The following KAZN variants were observed in gnomAD, a reference collection of about 807,000 sequenced individuals.
The protein encoded by KAZN is kazrin.
KAZN carries 40 observed loss-of-function variants against 87.4 expected under a neutral mutation model. The ratio of observed to expected loss-of-function variants is 0.46; its 90% CI spans 0.36 to 0.60. KAZN has a LOEUF of 0.60. KAZN is among the 20% of genes least tolerant of loss of function. The pLI, the probability that KAZN is intolerant of heterozygous loss-of-function variation, is 0.00. For synonymous variants in KAZN, 466 were observed against 458.3 expected (o/e 1.02, Z -0.22); for missense variants, 898 against 1,073.9 (o/e 0.84, Z 2.29).
At chr1:14,092,859 A>G (rs1356320165) in intron 1 of KAZN, among the ~76,000 whole-genome samples, 1 of 152,166 alleles carries the variant, frequency 6.6e-6, no homozygotes, top group Non-Finnish European at 1.5e-5. Context: ...TTTCTGTGCT[A>G]TTAAAGTTAA....
chr1:13,990,753 G>A (rs1358159810), intron 1 of KAZN, among the ~76,000 whole-genome samples: 5 of 152,188 alleles, frequency 3.3e-5, no homozygotes, highest in African/African-American at 9.6e-5. Flanking sequence ...ATGTACTGAT[G>A]TTTGCAGCTT....
intron 1 of KAZN, among the ~76,000 whole-genome samples, chr1:14,628,292 T>C (rs1049901706): frequency 6.6e-6 from 1 of 152,172 alleles, no homozygotes; most frequent in African/African-American, 2.4e-5. Flanking sequence ...GACAAAGCAG[T>C]CTTTCAACAC....
intron 1 of KAZN, among the ~76,000 whole-genome samples, chr1:13,995,232 A>AAAAAAAAAAAAAAAAAAAAC (rs1639456842): frequency 6.6e-6 from 1 of 151,988 alleles, no homozygotes; most frequent in African/African-American, 2.4e-5. Context: ...AAAAAAAAAA[A>AAAAAAAAAAAAAAAAAAAAC]AAATCCTAAT....
At chr1:14,260,905 C>T (rs1177322613) in intron 2 of KAZN, among the ~76,000 whole-genome samples, 2 of 152,182 alleles carry the variant, frequency 1.3e-5, no homozygotes, top group Non-Finnish European at 2.9e-5. Flanking sequence ...GGCAGACGGC[C>T]TCCAGGGTGC....
intron 2 of KAZN, among the ~76,000 whole-genome samples, chr1:14,536,791 A>T (rs925908412): frequency 6.6e-6 from 1 of 152,152 alleles, no homozygotes; most frequent in Admixed American, 6.5e-5. Flanking sequence ...CTGAGGCAGG[A>T]GAATCACTTG....
chr1:14,564,968 A>G (rs1264094140), intron 2 of KAZN, among the ~76,000 whole-genome samples: 4 of 152,212 alleles, frequency 2.6e-5, no homozygotes, highest in Non-Finnish European at 4.4e-5. Context: ...AGTATTTTCT[A>G]CAGGAAGAGA....
chr1:14,618,876 T>C lies in KAZN; in HGVS notation c.226+19653T>C, dbSNP rs938351484. On this transcript the variant is annotated intron_variant, in intron 1 of 14. Transcript: ENST00000376030. The stretch of plus-strand genomic sequence containing the variant: ...GGAAAGGTGAGGGGTTCCCTGACAG[T>C]TTCCAAAGGAGCCTTCGCTTGAGTG... 5.9e-5 allele frequency among the ~76,000 whole-genome samples: 9 copies of C among 152,306 alleles called. No homozygotes were observed. In the South Asian group the frequency reaches 1.9e-3, roughly 32 times the overall value.
intron 1 of KAZN, among the ~76,000 whole-genome samples, chr1:14,954,629 C>A (rs1662867502): frequency 6.6e-6 from 1 of 152,204 alleles, no homozygotes; most frequent in South Asian, 2.1e-4. Context: ...GCTAGAGAAA[C>A]TGAGTTTTTC....
intron 2 of KAZN, among the ~76,000 whole-genome samples, chr1:14,334,436 C>T (rs1043818576): frequency 6.7e-5 from 10 of 149,064 alleles, no homozygotes; most frequent in African/African-American, 2.0e-4. Context: ...GAGGCGTGGC[C>T]ATCACAAGGA....
At chr1:14,687,361 TGA>T (rs1641013092) in intron 1 of KAZN, among the ~76,000 whole-genome samples, 1 of 152,086 alleles carries the variant, frequency 6.6e-6, no homozygotes, top group African/African-American at 2.4e-5. Context: ...GTCAGTGCAA[TGA>T]GAGAGGTGAA....
At chr1:14,047,293 C>G (rs924392769) in intron 1 of KAZN, among the ~76,000 whole-genome samples, 1 of 152,236 alleles carries the variant, frequency 6.6e-6, no homozygotes, top group Non-Finnish European at 1.5e-5. Context: ...GAGCACATCT[C>G]TTTGACAACC....
chr1:14,476,504 GAAGA>G (rs1414314280), intron 2 of KAZN, among the ~76,000 whole-genome samples: 1 of 152,172 alleles, frequency 6.6e-6, no homozygotes, highest in Middle Eastern at 3.2e-3. Flanking sequence ...ATTTCTATCA[GAAGA>G]CAGACAACAG....
intron 2 of KAZN, among the ~76,000 whole-genome samples, chr1:14,279,029 C>T (rs180980043): frequency 1.4e-4 from 20 of 146,238 alleles, no homozygotes; most frequent in Admixed American, 6.4e-4. Flanking sequence ...TATGAACCAT[C>T]TCACAGACTT....
At chr1:14,530,084 G>C (rs180812232) in intron 2 of KAZN, among the ~76,000 whole-genome samples, 1 of 152,122 alleles carries the variant, frequency 6.6e-6, no homozygotes, top group Non-Finnish European at 1.5e-5. Flanking sequence ...TACTGGAATC[G>C]CAGGGGCCAG....
At chr1:14,063,024 T>A (rs1468375010) in intron 1 of KAZN, among the ~76,000 whole-genome samples, 2 of 152,212 alleles carry the variant, frequency 1.3e-5, no homozygotes, top group Non-Finnish European at 2.9e-5. Context: ...ATACACATAT[T>A]TTACATCGTT....
chr1:14,550,159 C>T (rs750580730), intron 2 of KAZN, among the ~76,000 whole-genome samples: 7 of 152,206 alleles, frequency 4.6e-5, no homozygotes, highest in Non-Finnish European at 1.0e-4. Flanking sequence ...CTGTGCCAGG[C>T]ACTGCCTAGG....
chr1:13,996,265 G>T (rs754877584), intron 1 of KAZN, among the ~76,000 whole-genome samples: 1 of 152,076 alleles, frequency 6.6e-6, no homozygotes, highest in African/African-American at 2.4e-5. Flanking sequence ...CCCAACCCCC[G>T]AGCCGCGCAG....
intron 7 of KAZN, 64 bp downstream of exon 7, chr1:15,063,686 C>T: frequency 7.7e-7 from 1 of 1,293,682 alleles, no homozygotes. Context: ...CAACTTCACC[C>T]TCTGTTCCCC....
intron 1 of KAZN, among the ~76,000 whole-genome samples, chr1:14,162,593 G>A (rs1157448026): frequency 6.2e-5 from 9 of 145,820 alleles, no homozygotes; most frequent in Admixed American, 1.4e-4. Context: ...TGCCCAGGCT[G>A]GAGTGCAGTG....
Sources: allele counts gnomAD v4.1 joint callset (sites outside exome capture counted in the v4.1 genomes callset), GRCh38; gene constraint gnomAD v4.1.1; transcripts MANE v1.5; gene names NCBI Gene and HGNC (gene_info 2026-07-23, HGNC 2026-07-21).